The following CLNK variants were observed in gnomAD, a reference collection of about 807,000 sequenced individuals.
CLNK encodes the protein cytokine dependent hematopoietic cell linker, also known as cytokine-dependent hematopoietic cell linker.
Under a neutral mutation model 68.6 loss-of-function variants are expected in CLNK, and 74 were observed. The ratio of observed to expected loss-of-function variants is 1.08; its 90% CI spans 0.89 to 1.31. The LOEUF (loss-of-function observed/expected upper bound fraction) is 1.31. Among genes scored for constraint, CLNK ranks in the 50% most tolerant of loss-of-function variants. CLNK has a pLI of 0.00. For synonymous variants in CLNK, 198 were observed against 172.2 expected (o/e 1.15, Z -1.17); for missense variants, 553 against 515.3 (o/e 1.07, Z -0.71).
chr4:10,695,641 A>G, the CLNK span, among the ~76,000 whole-genome samples: 3 of 152,140 alleles, frequency 2.0e-5, no homozygotes, highest in Admixed American at 6.5e-5. Context: ...CTCTCTTCTG[A>G]GTCATATTCT....
chr4:10,587,185 C>G (rs539930647), intron 3 of CLNK, among the ~76,000 whole-genome samples: 2 of 152,254 alleles, frequency 1.3e-5, no homozygotes, highest in Admixed American at 1.3e-4. Context: ...AGGCTGGTCT[C>G]AAACTCCTGA....
chr4:10,598,978 C>A, intron 2 of CLNK, among the ~76,000 whole-genome samples: 1 of 152,238 alleles, frequency 6.6e-6, no homozygotes, highest in East Asian at 1.9e-4. Context: ...ATGCCCTTGT[C>A]TTCCTTCTTC....
chr4:10,541,043 G>A (rs540220204), intron 10 of CLNK, among the ~76,000 whole-genome samples: 16 of 151,810 alleles, frequency 1.1e-4, no homozygotes, highest in African/African-American at 2.9e-4. Flanking sequence ...GGTAAACCCC[G>A]TTTCTACTAA....
chr4:10,682,119 G>C (rs1725113320), intron 1 of CLNK, among the ~76,000 whole-genome samples: 1 of 49,412 alleles, frequency 2.0e-5, no homozygotes, highest in Non-Finnish European at 5.8e-5. Flanking sequence ...CCACAATTCT[G>C]TTTGTGTGTG....
chr4:10,606,981 A>C (rs1486801834), intron 2 of CLNK, among the ~76,000 whole-genome samples: 1 of 152,188 alleles, frequency 6.6e-6, no homozygotes, highest in Non-Finnish European at 1.5e-5. Context: ...ACAACTTCTT[A>C]AATTAGATAC....
At chr4:10,657,218 A>G (rs367587666) in intron 2 of CLNK, among the ~76,000 whole-genome samples, 1 of 152,228 alleles carries the variant, frequency 6.6e-6, no homozygotes, top group Non-Finnish European at 1.5e-5. Flanking sequence ...TTTGGCAGGA[A>G]TCTCAAAACC....
chr4:10,508,454 C>T (rs546343967), intron 16 of CLNK, among the ~76,000 whole-genome samples: 79 of 152,364 alleles, frequency 5.2e-4, no homozygotes, highest in Admixed American at 1.4e-3. Context: ...GAGCCCATCT[C>T]TGCCACTTCC....
chr4:10,577,553 A>G (rs1184602388), intron 4 of CLNK, among the ~76,000 whole-genome samples: 1 of 152,234 alleles, frequency 6.6e-6, no homozygotes, highest in Non-Finnish European at 1.5e-5. Context: ...AAATCAAGTC[A>G]GAATTTCCAG....
intron 9 of CLNK, 39 bp from the exon 10 acceptor site, chr4:10,542,080 TC>T (rs776853728): frequency 6.4e-7 from 1 of 1,562,286 alleles, no homozygotes; most frequent in South Asian, 1.2e-5. Context: ...AGTTTATTGT[TC>T]TGTGAGCAGG....
intron 14 of CLNK, among the ~76,000 whole-genome samples, chr4:10,525,189 C>T (rs78978335): frequency 2.0e-4 from 30 of 152,216 alleles, no homozygotes; most frequent in Non-Finnish European, 2.5e-4. Flanking sequence ...CTCAGCCTCC[C>T]GAGTAGCTGG....
At chr4:10,538,788 G>C (rs1433068875) in intron 11 of CLNK, among the ~76,000 whole-genome samples, 1 of 152,162 alleles carries the variant, frequency 6.6e-6, no homozygotes, top group African/African-American at 2.4e-5. Flanking sequence ...TGGGCTGGAA[G>C]AAACAGACTT....
chr4:10,628,123 A>C (rs1374732174), intron 2 of CLNK, among the ~76,000 whole-genome samples: 1 of 152,160 alleles, frequency 6.6e-6, no homozygotes, highest in Non-Finnish European at 1.5e-5. Context: ...GCTTTTCAAA[A>C]TGTGTACCTG....
chr4:10,691,819 A>G, the CLNK span, among the ~76,000 whole-genome samples: 1 of 151,822 alleles, frequency 6.6e-6, no homozygotes, highest in East Asian at 1.9e-4. Flanking sequence ...ATTAGGAAAG[A>G]AAAAAACAGC....
intron 1 of CLNK, among the ~76,000 whole-genome samples, chr4:10,676,393 C>CTTTT (rs33954033): frequency 0.27 from 36,345 of 133,520 alleles, 4,989 homozygotes; most frequent in East Asian, 0.39. Flanking sequence ...TTATAGATTT[C>CTTTT]TTTTTTTTTT....
chr4:10,596,521 G>A (rs1230413120), intron 3 of CLNK, among the ~76,000 whole-genome samples: 1 of 152,294 alleles, frequency 6.6e-6, no homozygotes, highest in East Asian at 1.9e-4. Flanking sequence ...TTTTACAGGA[G>A]TAAATACATT....
intron 8 of CLNK, among the ~76,000 whole-genome samples, chr4:10,552,065 C>T (rs755096281): frequency 9.2e-5 from 14 of 152,006 alleles, no homozygotes; most frequent in Non-Finnish European, 1.6e-4. Context: ...ACCGTGTTAG[C>T]CAGGATGGTC....
intron 2 of CLNK, among the ~76,000 whole-genome samples, chr4:10,611,856 A>G (rs1293074188): frequency 2.0e-5 from 3 of 152,142 alleles, no homozygotes; most frequent in African/African-American, 7.2e-5. Flanking sequence ...AAAATCTGGC[A>G]TTCCTAATGC....
intron 2 of CLNK, among the ~76,000 whole-genome samples, chr4:10,617,795 C>T (rs191922558): frequency 3.2e-4 from 49 of 152,262 alleles, no homozygotes; most frequent in African/African-American, 1.1e-3. Context: ...TCCAACTCTG[C>T]GCTTTTCTAC....
intron 4 of CLNK, among the ~76,000 whole-genome samples, chr4:10,579,521 G>C (rs1720700764): frequency 6.6e-6 from 1 of 152,170 alleles, no homozygotes; most frequent in Non-Finnish European, 1.5e-5. Flanking sequence ...TAATGGAGCA[G>C]AAAAATTCCT....
Sources: allele counts gnomAD v4.1 joint callset (sites outside exome capture counted in the v4.1 genomes callset), GRCh38; gene constraint gnomAD v4.1.1; transcripts MANE v1.5; gene names NCBI Gene and HGNC (gene_info 2026-07-23, HGNC 2026-07-21).